PCDHA7: variants seen among roughly 807,000 people sequenced by gnomAD.
PCDHA7 encodes protocadherin alpha 7, also known as protocadherin alpha-7.
A neutral mutation model predicts 57.2 loss-of-function variants in PCDHA7; 37 were observed. The observed-to-expected ratio is 0.65, with a 90% CI of 0.50 to 0.85. The LOEUF (loss-of-function observed/expected upper bound fraction) is 0.85, where lower values mean the gene tolerates loss of function less well. Ranked by LOEUF, PCDHA7 falls within the 40% of genes least tolerant of loss-of-function variation. The probability of loss-of-function intolerance (pLI) is 0.00; values close to 1 mark genes in which losing one functional copy is unlikely to be tolerated. For missense variants in PCDHA7, 1,188 were observed against 1,241.8 expected (o/e 0.96, Z 0.65); for synonymous variants, 553 against 558.8 (o/e 0.99, Z 0.15).
chr5:140,996,217 T>C (rs2097717491), intron 3 of PCDHA7, among the ~76,000 whole-genome samples: 1 of 152,192 alleles, frequency 6.6e-6, no homozygotes, highest in South Asian at 2.1e-4. Context: ...TCACTACTTG[T>C]CTAGAAATGG....
chr5:140,988,642 T>C (rs981488031), intron 3 of PCDHA7, among the ~76,000 whole-genome samples: 22 of 152,212 alleles, frequency 1.4e-4, no homozygotes, highest in African/African-American at 5.3e-4. Context: ...TTTCTGAAAT[T>C]AAACATTTTT....
chr5:140,995,113 A>T (rs560699104), intron 3 of PCDHA7, among the ~76,000 whole-genome samples: 1 of 152,370 alleles, frequency 6.6e-6, no homozygotes, highest in East Asian at 1.9e-4. Flanking sequence ...CAAGACCCTC[A>T]GTGGATGCCT....
At chr5:140,884,679 A>C (rs782535862) in intron 1 of PCDHA7, 12 of 1,551,914 alleles carry the variant, frequency 7.7e-6, no homozygotes, top group Non-Finnish European at 8.7e-6. Context: ...TTATATTTTA[A>C]AAAATTGTCT....
At position 140,946,631 on chromosome 5, in the gene PCDHA7, T is replaced by C. The variant is rs75895301; in HGVS notation, c.2356-32318T>C. Among the ~76,000 whole-genome samples, 565 of 131,680 alleles carry C rather than the reference T, an allele frequency of 4.3e-3. 19 individuals are homozygous for C. Among genetic ancestry groups the C allele is most frequent in the Middle Eastern group, 0.019 (5 of 266 alleles). 86.4% of individuals were successfully genotyped at this position (131,680 alleles called of 152,430 possible). A position where few individuals can be genotyped will look rare whatever the true frequency, so the allele number is the denominator to read the frequency against. On this transcript the variant is annotated intron_variant, in intron 1 of 3. Coordinates refer to ENST00000525929, the MANE Select transcript of PCDHA7 (RefSeq NM_018910.3). ...TGTGAAATATATATATATATATATA[T>C]ACAATGGAATACTCATCAGCCATTA... is the stretch of plus-strand genomic sequence containing the variant.
chr5:140,962,787 C>T (rs2095707732), intron 1 of PCDHA7, among the ~76,000 whole-genome samples: 1 of 152,224 alleles, frequency 6.6e-6, no homozygotes, highest in Non-Finnish European at 1.5e-5. Context: ...TTTTTAAAAA[C>T]TACTTTGGAC....
intron 1 of PCDHA7, among the ~76,000 whole-genome samples, chr5:140,926,161 A>C (rs1205520517): frequency 6.6e-6 from 1 of 151,712 alleles, no homozygotes. Flanking sequence ...GCTCTGCAGC[A>C]GGATCCAGCG....
Position 140,846,415 on chromosome 5 carries a change from C to A in PCDHA7, c.2355+9677C>A, listed in dbSNP as rs1440795292. ...TTTGAGACGGAGTCTCGCTCTATCT[C>A]CCAGGCTGGAATGCAGTGGCGCAAT... On this transcript the variant is annotated intron_variant, in intron 1 of 3. Coordinates refer to ENST00000525929, the MANE Select transcript of PCDHA7 (RefSeq NM_018910.3). Among the ~76,000 whole-genome samples the A allele has an allele frequency of 3.7e-5, 5 of 135,678 alleles. 2 individuals carry two copies. Among genetic ancestry groups the A allele is most frequent in the Non-Finnish European group, 7.9e-5 (5 of 62,902 alleles). The allele number at this position is 135,678 out of a possible 152,430, so 89.0% of individuals were successfully genotyped here.
chr5:140,980,239 A>G (rs1453927657), intron 2 of PCDHA7, among the ~76,000 whole-genome samples: 1 of 152,230 alleles, frequency 6.6e-6, no homozygotes, highest in Non-Finnish European at 1.5e-5. Flanking sequence ...TGGTGGAGAC[A>G]TGCAATGGGT....
At chr5:140,946,631 T>TATACAC (rs57893927) in intron 1 of PCDHA7, among the ~76,000 whole-genome samples, 2 of 131,842 alleles carry the variant, frequency 1.5e-5, no homozygotes, top group Non-Finnish European at 3.1e-5. Flanking sequence ...TATATATATA[T>TATACAC]ACAATGGAAT....
intron 1 of PCDHA7, chr5:140,883,969 G>C: frequency 6.2e-7 from 1 of 1,612,962 alleles, no homozygotes; most frequent in Non-Finnish European, 8.5e-7. Context: ...CGCTGCTGAC[G>C]CCCGGGGCTG....
At chr5:140,884,396 C>G in intron 1 of PCDHA7, 1 of 1,614,012 alleles carries the variant, frequency 6.2e-7, no homozygotes, top group Non-Finnish European at 8.5e-7. Flanking sequence ...GGTGTCCAGC[C>G]TGTTGGTGCT....
At position 140,877,134 on chromosome 5, in the gene PCDHA7, C is replaced by A. The variant is rs1339173132; in HGVS notation, c.2355+40396C>A. 17 of 1,613,712 alleles carry A rather than the reference C, an allele frequency of 1.1e-5. No homozygotes were observed. Among genetic ancestry groups the A allele is most frequent in the Admixed American group, 6.7e-5 (4 of 60,000 alleles). ...GCAGCAACGTGACGCTGCAGGTGTTCGTGCTGGACGAGAACGACAACGCGC... is the reference window on the plus strand; with the variant it reads ...GCAGCAACGTGACGCTGCAGGTGTTAGTGCTGGACGAGAACGACAACGCGC... On this transcript the variant is annotated intron_variant, in intron 1 of 3. Transcript: ENST00000525929.
intron 1 of PCDHA7, chr5:140,860,447 A>T (rs1242809569): frequency 6.6e-6 from 1 of 152,198 alleles, no homozygotes; most frequent in East Asian, 1.9e-4. Context: ...TTTCATATTA[A>T]TTCACGTGAT....
At chr5:140,940,600 G>A (rs576348550) in intron 1 of PCDHA7, among the ~76,000 whole-genome samples, 36 of 152,074 alleles carry the variant, frequency 2.4e-4, no homozygotes, top group African/African-American at 8.4e-4. Flanking sequence ...GGCATGAGCC[G>A]CTGCTCCTGG....
chr5:140,961,338 G>C (rs1554225370), intron 1 of PCDHA7, among the ~76,000 whole-genome samples: 1 of 152,170 alleles, frequency 6.6e-6, no homozygotes, highest in Non-Finnish European at 1.5e-5. Flanking sequence ...GAGACCAAGA[G>C]TGGATCCCTG....
chr5:140,835,826 C>A lies in PCDHA7; in HGVS notation c.1443C>A (p.Asp481Glu). The A allele has an allele frequency of 6.2e-7, 1 of 1,612,456 alleles. No homozygotes were observed. The highest frequency in any genetic ancestry group is 2.2e-5 in the East Asian group (1 of 44,822). Residue 481 changes from aspartate to glutamate, a missense_variant, in exon 1 of 4, where the codon GAC (aspartate) becomes GAA (glutamate). Coordinates refer to ENST00000525929, the MANE Select transcript of PCDHA7 (RefSeq NM_018910.3). Reference protein sequence around the residue: ...GCHIFTVSAGDADAQKNALVS... With the variant: ...GCHIFTVSAGEADAQKNALVS... The stretch of plus-strand genomic sequence containing the variant: ...ACATCTTCACTGTGTCGGCGGGGGA[C>A]GCGGACGCGCAGAAGAACGCGCTGG...
Position 140,836,323 on chromosome 5 carries a change from T to C in PCDHA7, c.1940T>C (p.Leu647Pro), listed in dbSNP as rs2150257810. 6.2e-7 allele frequency: 1 copy of C among 1,613,710 alleles called. No homozygotes were observed. Among genetic ancestry groups the C allele is most frequent in the South Asian group, 1.1e-5 (1 of 91,064 alleles). Residue 647 changes from leucine (L) to proline (P), a missense_variant, in exon 1 of 4, where the codon CTT (leucine) becomes CCT (proline). Physicochemically the swap from Leu to Pro is moderately conservative, Grantham distance 98. Coordinates refer to ENST00000525929, the MANE Select transcript of PCDHA7 (RefSeq NM_018910.3). ...GAGACGGACGCACCGCGCCACCGCC[T>C]TCTGGTGCTTGTGAAGGACCACGGG... Reference protein sequence around the residue: ...LDETDAPRHRLLVLVKDHGEP... With the variant: ...LDETDAPRHRPLVLVKDHGEP...
intron 3 of PCDHA7, among the ~76,000 whole-genome samples, chr5:140,992,876 A>G (rs1370116402): frequency 6.6e-6 from 1 of 152,178 alleles, no homozygotes; most frequent in Admixed American, 6.5e-5. Flanking sequence ...CCTCCTTGAT[A>G]TTCTAAACAA....
intron 1 of PCDHA7, chr5:140,857,523 C>T: frequency 1.9e-6 from 3 of 1,597,998 alleles, no homozygotes; most frequent in South Asian, 2.2e-5. Flanking sequence ...GTGTCCTACT[C>T]TCTGGTGGAG....
Sources: gnomAD v4.1 joint callset for allele counts (sites outside exome capture counted in the v4.1 genomes callset) on GRCh38, gnomAD v4.1.1 for gene constraint, MANE v1.5 for transcripts, NCBI Gene and HGNC (gene_info 2026-07-23, HGNC 2026-07-21) for gene names.